Variants in ABCA8 observed in about 807,000 individuals in gnomAD.
ABCA8 encodes ATP binding cassette subfamily A member 8.
Under a neutral mutation model 192.3 loss-of-function variants are expected in ABCA8, and 177 were observed. The ratio of observed to expected loss-of-function variants is 0.92; its 90% confidence interval spans 0.81 to 1.04. The LOEUF is 1.04. Among genes scored for constraint, ABCA8 ranks in the 50% least tolerant of loss-of-function variants. The pLI is 0.00. For missense variants in ABCA8, 1,915 were observed against 1,904.8 expected (o/e 1.01, Z -0.10); for synonymous variants, 642 against 690.2 (o/e 0.93, Z 1.09).
intron 37 of ABCA8, among the ~76,000 whole-genome samples, 175 bp from the exon 38 acceptor site, chr17:68,869,954 G>A (rs2066005140): frequency 6.6e-6 from 1 of 152,074 alleles, no homozygotes; most frequent in Non-Finnish European, 1.5e-5. Flanking sequence ...TTGACTATGA[G>A]TATGTAGGGT....
intron 10 of ABCA8, 58 bp from the exon 11 acceptor site, chr17:68,924,927 TCA>T (rs1240916055): frequency 1.3e-6 from 2 of 1,561,362 alleles, no homozygotes; most frequent in African/African-American, 2.7e-5. Flanking sequence ...GGAGAGAGAG[TCA>T]CAGTAATGTA....
At position 68,929,133 on chromosome 17, in the gene ABCA8, T is replaced by C. The variant is rs775449398; in HGVS notation, c.1041A>G (p.Thr347=). 5.0e-6 allele frequency: 8 copies of C among 1,611,908 alleles called. No homozygotes were observed. In the Admixed American group the frequency reaches 1.0e-4, roughly 20 times the overall value. The part of the protein sequence containing the change: ...LTVFWGCLGF[T]SLYRHLPASL... Reference sequence around the variant, plus strand: ...ATGCAGGAAGGTGTCTGTACAGTGATGTGAACCCCAGACACCCCCAAAAGA... The same window carrying C: ...ATGCAGGAAGGTGTCTGTACAGTGACGTGAACCCCAGACACCCCCAAAAGA... The change falls in exon 9 of 40, where the codon ACA becomes ACG. Residue 347 remains threonine, a synonymous_variant. Coordinates refer to ENST00000586539, the MANE Select transcript of ABCA8 (RefSeq NM_001288985.2).
chr17:68,873,147 T>C (rs2066110824), intron 37 of ABCA8, among the ~76,000 whole-genome samples: 2 of 152,234 alleles, frequency 1.3e-5, no homozygotes, highest in Admixed American at 6.5e-5. Flanking sequence ...GTAAGTGCCC[T>C]ATACAGGTGT....
chr17:68,920,734 A>G (rs1190864006), intron 13 of ABCA8, among the ~76,000 whole-genome samples: 3 of 152,152 alleles, frequency 2.0e-5, no homozygotes, highest in African/African-American at 7.2e-5. Flanking sequence ...AAATAGGAAC[A>G]CTTTTACACT....
chr17:68,952,431 G>C (rs745575379), intron 1 of ABCA8, among the ~76,000 whole-genome samples: 1 of 152,166 alleles, frequency 6.6e-6, no homozygotes, highest in Non-Finnish European at 1.5e-5. Flanking sequence ...TGTTAGCTCG[G>C]ATGGTCTCGA....
intron 5 of ABCA8, among the ~76,000 whole-genome samples, chr17:68,934,907 G>A (rs964775762): frequency 1.3e-5 from 2 of 152,082 alleles, no homozygotes; most frequent in African/African-American, 4.8e-5. Flanking sequence ...GGTTGCTAAT[G>A]AGGAAAAACA....
chr17:68,929,327 A>C, intron 8 of ABCA8, 93 bp from the exon 9 acceptor site: 1 of 1,149,778 alleles, frequency 8.7e-7, no homozygotes, highest in South Asian at 2.0e-5. Context: ...TATTTTGTGT[A>C]TGTAACAGTT....
At chr17:68,949,951 A>T (rs2068523347) in intron 1 of ABCA8, among the ~76,000 whole-genome samples, 1 of 151,878 alleles carries the variant, frequency 6.6e-6, no homozygotes, top group Non-Finnish European at 1.5e-5. Flanking sequence ...CAGTGCAATC[A>T]GGCAAGAGAA....
At chr17:68,870,125 A>C (rs1400603066) in intron 37 of ABCA8, among the ~76,000 whole-genome samples, 1 of 152,172 alleles carries the variant, frequency 6.6e-6, no homozygotes, top group Non-Finnish European at 1.5e-5. Context: ...ATTGTTGTCC[A>C]AAACAACTAA....
In ABCA8 at chr17:68,877,805, T is replaced by A. The variant is rs555480507; in HGVS notation, c.4039-126A>T. 1.2e-4 allele frequency: 124 copies of A among 1,011,596 alleles called. No individual in the cohort carries two copies. The African/African-American group carries it at 1.9e-3, about 15-fold the overall frequency. 62.7% of individuals were successfully genotyped at this position (1,011,596 alleles called of 1,614,324 possible). A position where few individuals can be genotyped will look rare whatever the true frequency, so the allele number is the denominator to read the frequency against. ...CTCTAAACCTCATTGGGTTTAATAA[T>A]CTGTAATCATTTTGCATTGGAGAAA... On this transcript the variant is annotated intron_variant, in intron 32 of 39. Coordinates refer to ENST00000586539, the MANE Select transcript of ABCA8 (RefSeq NM_001288985.2).
chr17:68,876,978 ATAAT>A (rs895888829), intron 33 of ABCA8, among the ~76,000 whole-genome samples: 3 of 152,106 alleles, frequency 2.0e-5, no homozygotes, highest in African/African-American at 4.8e-5. Context: ...TTAGCAATGA[ATAAT>A]TACTTTTTAA....
intron 2 of ABCA8, among the ~76,000 whole-genome samples, chr17:68,946,945 A>G (rs1202523750): frequency 4.0e-5 from 6 of 150,060 alleles, no homozygotes; most frequent in Non-Finnish European, 5.9e-5. Context: ...CATCAAAAGA[A>G]AGAGAGAGAG....
chr17:68,899,572 A>G (rs1256230958), intron 21 of ABCA8, among the ~76,000 whole-genome samples: 1 of 152,104 alleles, frequency 6.6e-6, no homozygotes, highest in Non-Finnish European at 1.5e-5. Flanking sequence ...ATAAACGTAT[A>G]TACACTTAAG....
chr17:68,895,230 T>C (rs1373965807), intron 21 of ABCA8, among the ~76,000 whole-genome samples: 4 of 152,200 alleles, frequency 2.6e-5, no homozygotes, highest in Non-Finnish European at 5.9e-5. Flanking sequence ...ATTTTTTTAG[T>C]TCCAAGTGTC....
chr17:68,948,738 T>C lies in ABCA8; in HGVS notation c.-6+574A>G, dbSNP rs560552988. Among the ~76,000 whole-genome samples, 73 of 152,352 alleles carry C rather than the reference T, an allele frequency of 4.8e-4. 2 individuals carry two copies. The South Asian group carries it at 0.015, about 31-fold the overall frequency. On this transcript the variant is annotated intron_variant, in intron 2 of 39. Coordinates refer to ENST00000586539, the MANE Select transcript of ABCA8 (RefSeq NM_001288985.2). ...TTTATTTTGCTGTGCAGACGCTCTT[T>C]AGTTTAATGAGATCCCATTTGTCAA... is the stretch of plus-strand genomic sequence containing the variant.
At chr17:68,909,957 G>A (rs74883334) in intron 17 of ABCA8, among the ~76,000 whole-genome samples, 1 of 152,026 alleles carries the variant, frequency 6.6e-6, no homozygotes, top group African/African-American at 2.4e-5. Context: ...AAATATTCAG[G>A]TTCAATTTCT....
rs1287644181 is a variant in ABCA8, at chr17:68,903,425, G to A, written c.2473C>T (p.Leu825Phe). 1 of 1,614,132 alleles carries A rather than the reference G, an allele frequency of 6.2e-7. No individual in the cohort carries two copies. The highest frequency in any genetic ancestry group is 1.7e-5 in the Admixed American group (1 of 60,022). The change falls in exon 20 of 40, where the codon CTC becomes TTC. Residue 825 changes from leucine (L) to phenylalanine (F), a missense_variant. Coordinates refer to ENST00000586539, the MANE Select transcript of ABCA8 (RefSeq NM_001288985.2). ...TERLVEMEQV[L>F]SSLNKMRKTI... ...TTTCTCATCTTGTTAAGTGAAGAGA[G>A]GACTTGTTCCATCTCAACAAGCCTT...
chr17:68,919,491 A>T lies in ABCA8; in HGVS notation c.1613-15T>A. The stretch of plus-strand genomic sequence containing the variant: ...GGTGACTGAACCTGTAACAAAGGAA[A>T]AGTTAATATCAAGATAAGGCTTAAG... On this transcript the variant is annotated splice_polypyrimidine_tract_variant and intron_variant, in intron 13 of 39. Transcript: ENST00000586539. 1 of 1,602,732 alleles carries T rather than the reference A, an allele frequency of 6.2e-7. No homozygotes were observed. Among genetic ancestry groups the T allele is most frequent in the Non-Finnish European group, 8.5e-7 (1 of 1,171,982 alleles).
At chr17:68,907,584 A>G (rs2067105335) in intron 18 of ABCA8, among the ~76,000 whole-genome samples, 156 bp downstream of exon 18, 1 of 152,172 alleles carries the variant, frequency 6.6e-6, no homozygotes, top group Admixed American at 6.5e-5. Flanking sequence ...TTCCCACTAT[A>G]CAGAAAATAA....
Sources: allele counts gnomAD v4.1 joint callset (sites outside exome capture counted in the v4.1 genomes callset), GRCh38; gene constraint gnomAD v4.1.1; transcripts MANE v1.5; gene names NCBI Gene and HGNC (gene_info 2026-07-23, HGNC 2026-07-21).